CMIP: variants seen among roughly 807,000 people sequenced by gnomAD.
CMIP encodes c-Maf inducing protein, also known as C-Maf-inducing protein.
Under a neutral mutation model 97.3 loss-of-function variants are expected in CMIP, and 13 were observed. The observed-to-expected ratio is 0.13, with a 90% CI of 0.09 to 0.21. CMIP has a LOEUF of 0.21. CMIP is among the 10% of genes least tolerant of loss of function. CMIP has a pLI of 1.00. For missense variants in CMIP, 847 were observed against 1,024.9 expected, an observed-to-expected ratio of 0.83 and a Z score of 2.37; for synonymous variants, 538 against 436.3, an observed-to-expected ratio of 1.23 and a Z score of -2.91.
chr16:81,673,566 C>G (rs746519232), intron 9 of CMIP, among the ~76,000 whole-genome samples: 12 of 152,164 alleles, frequency 7.9e-5, no homozygotes, highest in Non-Finnish European at 1.6e-4. Flanking sequence ...GTGACCACTT[C>G]AGGCAGCTGG....
At chr16:81,445,806 G>A (rs567510087) in intron 1 of CMIP, among the ~76,000 whole-genome samples, 44 of 152,076 alleles carry the variant, frequency 2.9e-4, no homozygotes, top group Non-Finnish European at 6.3e-4. Flanking sequence ...GGGTGCCTGG[G>A]GACCTTCTGC....
chr16:81,706,262 A>G (rs1197585249), intron 19 of CMIP, among the ~76,000 whole-genome samples: 1 of 152,214 alleles, frequency 6.6e-6, no homozygotes, highest in Non-Finnish European at 1.5e-5. Flanking sequence ...AAGAGTCAGA[A>G]AAGGCTTCCC....
intron 18 of CMIP, among the ~76,000 whole-genome samples, chr16:81,704,968 G>T (rs1907965186): frequency 6.6e-6 from 1 of 151,922 alleles, no homozygotes; most frequent in Admixed American, 6.5e-5. Flanking sequence ...GGAGGCTTCT[G>T]GGTCTTTTTG....
intron 9 of CMIP, among the ~76,000 whole-genome samples, chr16:81,676,934 C>A (rs1253694290): frequency 6.6e-6 from 1 of 152,196 alleles, no homozygotes; most frequent in Non-Finnish European, 1.5e-5. Flanking sequence ...AAGGACTAGA[C>A]AAGCAGCTGT....
chr16:81,516,929 A>G (rs992248060), intron 1 of CMIP, among the ~76,000 whole-genome samples: 12 of 152,138 alleles, frequency 7.9e-5, no homozygotes, highest in Admixed American at 7.9e-4. Context: ...ACGGCCTCCA[A>G]GGTCATCAGT....
chr16:81,492,722 C>T (rs1038004211), intron 1 of CMIP, among the ~76,000 whole-genome samples: 2 of 152,002 alleles, frequency 1.3e-5, no homozygotes, highest in African/African-American at 4.8e-5. Flanking sequence ...AAGACAAAGG[C>T]TGGCAAAAAT....
Position 81,495,555 on chromosome 16 carries a change from T to G in CMIP, c.300+50014T>G, listed in dbSNP as rs1035934057. 30 of 1,542,726 alleles carry G rather than the reference T, an allele frequency of 1.9e-5. No individual in the cohort carries two copies. In the Admixed American group the frequency reaches 3.2e-4, roughly 16 times the overall value. ...TGATGTCTGTGCCTAAAACCTCGCC[T>G]GCTGCTGCTGGCCACAGGCCAGTGA... On this transcript the variant is annotated intron_variant, in intron 1 of 20. Coordinates refer to ENST00000537098, the MANE Select transcript of CMIP (RefSeq NM_198390.3).
At chr16:81,693,227 G>T (rs768628325) in intron 12 of CMIP, 43 bp downstream of exon 12, 2 of 1,587,468 alleles carry the variant, frequency 1.3e-6, no homozygotes, top group African/African-American at 1.3e-5. Context: ...TGGCACGCAC[G>T]GCCTCTGTCC....
chr16:81,596,835 G>A (rs150228390), intron 1 of CMIP, among the ~76,000 whole-genome samples: 1 of 152,142 alleles, frequency 6.6e-6, no homozygotes, highest in Non-Finnish European at 1.5e-5. Flanking sequence ...CCAGTACCCT[G>A]ACTTCCCACA....
intron 1 of CMIP, among the ~76,000 whole-genome samples, chr16:81,480,781 T>C (rs371659721): frequency 6.6e-6 from 1 of 152,234 alleles, no homozygotes; most frequent in East Asian, 1.9e-4. Flanking sequence ...GGGACTGTTA[T>C]GATGACATCA....
At chr16:81,692,738 T>C (rs1338960099) in intron 11 of CMIP, among the ~76,000 whole-genome samples, 1 of 152,210 alleles carries the variant, frequency 6.6e-6, no homozygotes, top group Non-Finnish European at 1.5e-5. Context: ...CTGGGCGCTC[T>C]TGGCTGTGGC....
chr16:81,676,983 G>A (rs1383133660), intron 9 of CMIP, among the ~76,000 whole-genome samples: 4 of 152,186 alleles, frequency 2.6e-5, no homozygotes, highest in Non-Finnish European at 5.9e-5. Flanking sequence ...TTGGATTAGT[G>A]GATCTCAACC....
intron 1 of CMIP, among the ~76,000 whole-genome samples, chr16:81,590,340 A>G (rs2091448014): frequency 6.6e-6 from 1 of 152,032 alleles, no homozygotes; most frequent in African/African-American, 2.4e-5. Context: ...AGCTTTCTTG[A>G]CACTGTCAGA....
intron 1 of CMIP, among the ~76,000 whole-genome samples, chr16:81,560,328 C>G (rs1047959715): frequency 4.0e-5 from 6 of 151,418 alleles, no homozygotes; most frequent in Non-Finnish European, 8.9e-5. Context: ...ACGCCATTCT[C>G]CTGCCTCAGC....
Position 81,664,346 on chromosome 16 carries a change from C to T in CMIP, c.822C>T (p.Asn274=). 6.3e-7 allele frequency: 1 copy of T among 1,590,108 alleles called. No individual in the cohort carries two copies. The highest frequency in any genetic ancestry group is 1.8e-5 in the Admixed American group (1 of 56,638). The change falls in exon 7 of 21, where the codon AAC becomes AAT. Residue 274 remains asparagine, a synonymous_variant. Coordinates refer to ENST00000537098, the MANE Select transcript of CMIP (RefSeq NM_198390.3). The part of the protein sequence containing the change: ...TPVVQRILKH[N]MDFGKCPRLR... ...TGGTGCAGCGAATCCTCAAGCATAA[C>T]ATGGTGAGTCACCCTGCCCCAACAC...
chr16:81,617,482 T>C (rs1311569925), intron 2 of CMIP: 1 of 152,208 alleles, frequency 6.6e-6, no homozygotes, highest in Non-Finnish European at 1.5e-5. Flanking sequence ...GCTCACACAC[T>C]GTTGAGGAGG....
At chr16:81,536,769 A>G (rs986394383) in intron 1 of CMIP, among the ~76,000 whole-genome samples, 2 of 152,014 alleles carry the variant, frequency 1.3e-5, no homozygotes, top group African/African-American at 2.4e-5. Flanking sequence ...TTTTTCCAGT[A>G]AAATGTTGTT....
chr16:81,518,106 C>T (rs2089951082), intron 1 of CMIP: 1 of 160,014 alleles, frequency 6.2e-6, no homozygotes, highest in South Asian at 2.0e-4. Context: ...CTTCGGAAGG[C>T]TGGGGTCAAT....
In CMIP at chr16:81,601,955, G is replaced by T. The variant is rs80081170; in HGVS notation, c.301-5612G>T. ...CGGTTCCCTTTAATATCCATTTAAT[G>T]AGAGCAATTTGGCAACAACGTAAAA... On this transcript the variant is annotated intron_variant, in intron 1 of 20. Coordinates refer to ENST00000537098, the MANE Select transcript of CMIP (RefSeq NM_198390.3). Among the ~76,000 whole-genome samples, 138 of 152,318 alleles carry T rather than the reference G, an allele frequency of 9.1e-4. 1 individual carries two copies. Among genetic ancestry groups the T allele is most frequent in the African/African-American group, 3.2e-3 (135 of 41,566 alleles).
Sources: allele counts gnomAD v4.1 joint callset (sites outside exome capture counted in the v4.1 genomes callset), GRCh38; gene constraint gnomAD v4.1.1; transcripts MANE v1.5; gene names NCBI Gene and HGNC (gene_info 2026-07-23, HGNC 2026-07-21).